The following CTIF variants were observed in gnomAD, a reference collection of about 807,000 sequenced individuals.
CTIF encodes the protein cap binding complex dependent translation initiation factor, also known as CBP80/20-dependent translation initiation factor.
Under a neutral mutation model 66.0 loss-of-function variants are expected in CTIF, and 21 were observed. The ratio of observed to expected loss-of-function variants is 0.32; its 90% CI spans 0.23 to 0.46. The LOEUF (loss-of-function observed/expected upper bound fraction) is 0.46. Among genes scored for constraint, CTIF ranks in the 20% least tolerant of loss-of-function variants. CTIF has a pLI of 1.00. For synonymous variants in CTIF, 345 were observed against 326.4 expected, an observed-to-expected ratio of 1.06 and a Z score of -0.62; for missense variants, 739 against 812.7, an observed-to-expected ratio of 0.91 and a Z score of 1.10.
chr18:48,571,332 T>C (rs1333560105), intron 1 of CTIF, among the ~76,000 whole-genome samples: 1 of 152,144 alleles, frequency 6.6e-6, no homozygotes, highest in African/African-American at 2.4e-5. Context: ...AATTTTTGTA[T>C]TTTTGGTAGA....
intron 1 of CTIF, among the ~76,000 whole-genome samples, chr18:48,581,988 G>A (rs752688299): frequency 2.0e-5 from 3 of 152,078 alleles, no homozygotes; most frequent in Non-Finnish European, 2.9e-5. Context: ...TGGGTTTGGA[G>A]TTGGGTGGAG....
intron 6 of CTIF, among the ~76,000 whole-genome samples, chr18:48,694,529 C>T (rs778193488): frequency 2.0e-5 from 3 of 152,228 alleles, no homozygotes; most frequent in Non-Finnish European, 2.9e-5. Flanking sequence ...GCTACAGAGC[C>T]ATGGTGGGAA....
chr18:48,825,466 A>G (rs184383560), intron 10 of CTIF, among the ~76,000 whole-genome samples: 3 of 152,176 alleles, frequency 2.0e-5, no homozygotes, highest in African/African-American at 7.2e-5. Context: ...GCCACTTTTT[A>G]AACTTTTTGC....
At chr18:48,558,887 G>C (rs1401110244) in intron 1 of CTIF, among the ~76,000 whole-genome samples, 1 of 152,202 alleles carries the variant, frequency 6.6e-6, no homozygotes, top group Non-Finnish European at 1.5e-5. Flanking sequence ...CAAAAGTTAA[G>C]TAAGGGGTGT....
intron 3 of CTIF, among the ~76,000 whole-genome samples, chr18:48,660,409 G>A (rs912783301): frequency 6.6e-6 from 1 of 152,240 alleles, no homozygotes; most frequent in African/African-American, 2.4e-5. Flanking sequence ...TCACAGGGCT[G>A]TTCTGCAGAT....
intron 1 of CTIF, among the ~76,000 whole-genome samples, chr18:48,572,072 C>T (rs1042227052): frequency 5.3e-5 from 8 of 149,800 alleles, no homozygotes; most frequent in South Asian, 2.2e-4. Flanking sequence ...TCCCCCTCAC[C>T]GTTCCTCCTC....
chr18:48,758,277 C>G lies in CTIF; in HGVS notation c.943C>G (p.Gln315Glu). The change falls in exon 8 of 12, where the codon CAG becomes GAG. Residue 315 changes from glutamine (Q) to glutamate (E), a missense_variant. By Grantham distance (29) the Gln-to-Glu change is conservative. This residue lies in a region of CTIF where 529 missense variants were observed against 520.3 expected (regional missense o/e 1.02). Coordinates refer to ENST00000256413, the MANE Select transcript of CTIF (RefSeq NM_014772.3). Reference protein sequence around the residue: ...PVASERLPPQQSGGPEVETKR... With the variant: ...PVASERLPPQESGGPEVETKR... Reference sequence around the variant, plus strand: ...GGCTTCTGAGCGGCTGCCCCCACAGCAGTCAGGGGGGCCAGAGGTTGAGAC... The same window carrying G: ...GGCTTCTGAGCGGCTGCCCCCACAGGAGTCAGGGGGGCCAGAGGTTGAGAC... The G allele has an allele frequency of 1.2e-6, 2 of 1,613,506 alleles. No homozygotes were observed. Among genetic ancestry groups the G allele is most frequent in the Non-Finnish European group, 8.5e-7 (1 of 1,179,890 alleles).
chr18:48,657,368 T>C (rs930677794), intron 3 of CTIF, among the ~76,000 whole-genome samples: 31 of 152,264 alleles, frequency 2.0e-4, no homozygotes, highest in African/African-American at 6.3e-4. Flanking sequence ...ATAATCTTTT[T>C]GATTTTTTTC....
chr18:48,636,561 G>A, intron 2 of CTIF, 53 bp from the exon 3 acceptor site: 1 of 1,347,322 alleles, frequency 7.4e-7, no homozygotes, highest in Non-Finnish European at 9.8e-7. Context: ...CTGGCAGAGT[G>A]AGCATGGGCC....
intron 2 of CTIF, among the ~76,000 whole-genome samples, chr18:48,622,124 A>T (rs542269891): frequency 6.6e-6 from 1 of 152,114 alleles, no homozygotes; most frequent in African/African-American, 2.4e-5. Flanking sequence ...GAGGCACAGG[A>T]GTGATGATGG....
At chr18:48,794,730 G>A (rs899576326) in intron 9 of CTIF, among the ~76,000 whole-genome samples, 3 of 152,214 alleles carry the variant, frequency 2.0e-5, no homozygotes, top group Non-Finnish European at 4.4e-5. Flanking sequence ...GGAGATGCTT[G>A]TCAGACTGGA....
chr18:48,628,325 CA>C (rs1379789341), intron 2 of CTIF, among the ~76,000 whole-genome samples: 5 of 152,088 alleles, frequency 3.3e-5, no homozygotes, highest in African/African-American at 1.2e-4. Flanking sequence ...GCTTTAAGCC[CA>C]GGGGGTGAGG....
chr18:48,758,221 C>G lies in CTIF; in HGVS notation c.887C>G (p.Ala296Gly). The change falls in exon 8 of 12, where the codon GCC becomes GGC. Residue 296 changes from alanine to glycine, a missense_variant. Ala to Gly is a moderately conservative substitution (Grantham distance 60). This residue lies in a region of CTIF where 529 missense variants were observed against 520.3 expected (regional missense o/e 1.02). Transcript: ENST00000256413. Reference protein sequence around the residue: ...AGDTGHSSLEAPRSPDTLAPV... With the variant: ...AGDTGHSSLEGPRSPDTLAPV... ...GACACCGGGCACAGCAGCCTTGAGG[C>G]CCCCCGCAGCCCTGACACCCTGGCC... 1 of 1,612,366 alleles carries G rather than the reference C, an allele frequency of 6.2e-7. No individual in the cohort carries two copies. The highest frequency in any genetic ancestry group is 8.5e-7 in the Non-Finnish European group (1 of 1,179,040).
In CTIF at chr18:48,704,813, A is replaced by T. The variant is rs147735994; in HGVS notation, c.508-6806A>T. The stretch of plus-strand genomic sequence containing the variant: ...CCATTCAGAGGAACCAGGGGTTAAG[A>T]CTTCAGCGTAAGAATTTGGAGATCA... On this transcript the variant is annotated intron_variant, in intron 6 of 11. Coordinates refer to ENST00000256413, the MANE Select transcript of CTIF (RefSeq NM_014772.3). Among the ~76,000 whole-genome samples, 4 of 152,304 alleles carry T rather than the reference A, an allele frequency of 2.6e-5. 1 individual carries two copies. The highest frequency in any genetic ancestry group is 9.6e-5 in the African/African-American group (4 of 41,562).
intron 9 of CTIF, among the ~76,000 whole-genome samples, chr18:48,811,398 A>G (rs991244954): frequency 2.6e-5 from 4 of 152,072 alleles, no homozygotes; most frequent in African/African-American, 9.7e-5. Flanking sequence ...AGTTCTTTTT[A>G]TTTTTTATTA....
intron 3 of CTIF, among the ~76,000 whole-genome samples, chr18:48,646,868 G>T (rs1190030889): frequency 7.9e-6 from 1 of 127,336 alleles, no homozygotes; most frequent in Non-Finnish European, 1.6e-5. Context: ...ATGTAGAATG[G>T]TATAGCCATT....
At chr18:48,727,070 GCACACACACACA>G (rs35188197) in intron 7 of CTIF, among the ~76,000 whole-genome samples, 8 of 144,590 alleles carry the variant, frequency 5.5e-5, no homozygotes, top group East Asian at 2.1e-4. Context: ...CAAGTTAGCT[GCACACACACACA>G]CACACACACA....
chr18:48,733,811 G>A (rs2092476168), intron 7 of CTIF, among the ~76,000 whole-genome samples: 2 of 152,168 alleles, frequency 1.3e-5, no homozygotes, highest in Non-Finnish European at 2.9e-5. Flanking sequence ...CCACCCCAGA[G>A]TGCTTGCTCC....
At chr18:48,663,628 G>A (rs2091383826) in intron 3 of CTIF, 124 bp from the exon 4 acceptor site, 5 of 825,876 alleles carry the variant, frequency 6.1e-6, no homozygotes, top group South Asian at 1.5e-5. Context: ...CTGACTGGGT[G>A]CACCAGCCAC....
Sources: gnomAD v4.1 joint callset for allele counts (sites outside exome capture counted in the v4.1 genomes callset) on GRCh38, gnomAD v4.1.1 for gene constraint, gnomAD v4.1.1 regional missense constraint, MANE v1.5 for transcripts, NCBI Gene and HGNC (gene_info 2026-07-23, HGNC 2026-07-21) for gene names.